The following GRHL1 variants were observed in gnomAD, a reference collection of about 807,000 sequenced individuals.
The protein encoded by GRHL1 is grainyhead like transcription factor 1.
A neutral mutation model predicts 75.7 loss-of-function variants in GRHL1; 38 were observed. The ratio of observed to expected loss-of-function variants is 0.50; its 90% CI spans 0.39 to 0.66. The LOEUF is 0.66. Ranked by LOEUF, GRHL1 falls within the 30% of genes least tolerant of loss-of-function variation. The pLI is 0.00. For synonymous variants in GRHL1, 266 were observed against 279.4 expected (o/e 0.95, Z 0.48); for missense variants, 589 against 767.5 (o/e 0.77, Z 2.75).
intron 2 of GRHL1, among the ~76,000 whole-genome samples, chr2:9,958,174 C>CTTTTTTTT (rs61051898): frequency 8.4e-5 from 11 of 130,750 alleles, no homozygotes; most frequent in Non-Finnish European, 1.3e-4. Context: ...TTCTTTTTTT[C>CTTTTTTTT]TTTTTTTTTT....
chr2:9,968,184 G>A lies in GRHL1; in HGVS notation c.1110+2803G>A, dbSNP rs1330906727. The stretch of plus-strand genomic sequence containing the variant: ...ATGCTTTGGCTTACATTCCACTTTG[G>A]GAAAAACACTGACGAAGCTAGGACC... On this transcript the variant is annotated intron_variant, in intron 8 of 15. Coordinates refer to ENST00000324907, the MANE Select transcript of GRHL1 (RefSeq NM_198182.3). This position sits in a 1 kb window ranked among gnomAD's most constrained non-coding sequence, Gnocchi z 4.7. Among the ~76,000 whole-genome samples the A allele has an allele frequency of 6.6e-6, 1 of 152,170 alleles. No homozygotes were observed. Among genetic ancestry groups the A allele is most frequent in the East Asian group, 1.9e-4 (1 of 5,198 alleles).
At chr2:9,997,712 AC>A (rs1668929610) in intron 14 of GRHL1, among the ~76,000 whole-genome samples, 1 of 151,286 alleles carries the variant, frequency 6.6e-6, no homozygotes, top group Admixed American at 6.6e-5. Flanking sequence ...AATCCCAGCT[AC>A]TCGGGAGGCT....
rs371709046 is a variant in GRHL1 at position 9,987,529 on chromosome 2, C to T, written c.1269+1247C>T. Among the ~76,000 whole-genome samples, 9 of 152,286 alleles carry T rather than the reference C, an allele frequency of 5.9e-5. No individual in the cohort carries two copies. The East Asian group carries it at 1.4e-3, about 23-fold the overall frequency. On this transcript the variant is annotated intron_variant, in intron 9 of 15. Coordinates refer to ENST00000324907, the MANE Select transcript of GRHL1 (RefSeq NM_198182.3). This position sits in a 1 kb window ranked among gnomAD's most constrained non-coding sequence, Gnocchi z 4.2. Reference sequence around the variant, plus strand: ...AGTGCTGTGCCTTCACAGCCCTCTTCCCCAAAGGCCCTTCAATAAGCATGG... The same window carrying T: ...AGTGCTGTGCCTTCACAGCCCTCTTTCCCAAAGGCCCTTCAATAAGCATGG...
intron 12 of GRHL1, among the ~76,000 whole-genome samples, chr2:9,994,761 C>G (rs1175254722): frequency 2.0e-5 from 3 of 152,166 alleles, no homozygotes; most frequent in Non-Finnish European, 4.4e-5. Flanking sequence ...TCTACCTCTT[C>G]TCTTGCTTGC....
At chr2:9,988,404 T>C (rs1553304944) in intron 9 of GRHL1, among the ~76,000 whole-genome samples, 1 of 152,222 alleles carries the variant, frequency 6.6e-6, no homozygotes, top group Non-Finnish European at 1.5e-5. Flanking sequence ...GAACAGGTAC[T>C]GTTTCTGGCT....
chr2:9,955,160 G>A, intron 2 of GRHL1, 59 bp downstream of exon 2: 2 of 1,122,166 alleles, frequency 1.8e-6, no homozygotes, highest in Non-Finnish European at 2.6e-6. Flanking sequence ...TGATTCAGCA[G>A]CATAGAAACA....
At chr2:9,982,578 A>G (rs1363965254) in intron 8 of GRHL1, among the ~76,000 whole-genome samples, 1 of 152,226 alleles carries the variant, frequency 6.6e-6, no homozygotes. Flanking sequence ...TGTGCATAGA[A>G]TTAGCTGGAG....
In GRHL1 at chr2:9,978,276, G is replaced by A. The variant is rs543545953; in HGVS notation, c.1111-7848G>A. ...GGTAAAAGGGAGCTGTACATAGAGT[G>A]CAGTGGACACAGCTGAGAGTGTGAG... On this transcript the variant is annotated intron_variant, in intron 8 of 15. Coordinates refer to ENST00000324907, the MANE Select transcript of GRHL1 (RefSeq NM_198182.3). 3.3e-5 allele frequency among the ~76,000 whole-genome samples: 5 copies of A among 152,334 alleles called. No homozygotes were observed. The East Asian group carries it at 9.6e-4, about 29-fold the overall frequency.
intron 2 of GRHL1, among the ~76,000 whole-genome samples, chr2:9,956,309 A>G (rs1025008011): frequency 1.3e-5 from 2 of 152,172 alleles, no homozygotes; most frequent in African/African-American, 4.8e-5. Context: ...AATTAGGGTG[A>G]TTAGCCTGAG....
At chr2:9,969,873 C>T (rs1384523221) in intron 8 of GRHL1, among the ~76,000 whole-genome samples, 1 of 138,328 alleles carries the variant, frequency 7.2e-6, no homozygotes, top group African/African-American at 2.8e-5. Flanking sequence ...GATGGAGTCT[C>T]ACTCTTTCGC....
At position 9,987,584 on chromosome 2, in the gene GRHL1, G is replaced by A. The variant is rs1668478822; in HGVS notation, c.1269+1302G>A. Among the ~76,000 whole-genome samples, 2 of 152,166 alleles carry A rather than the reference G, an allele frequency of 1.3e-5. No homozygotes were observed. The highest frequency in any genetic ancestry group is 2.9e-5 in the Non-Finnish European group (2 of 68,026). On this transcript the variant is annotated intron_variant, in intron 9 of 15. Transcript: ENST00000324907. The surrounding 1 kb of genome is among the most constrained non-coding windows in gnomAD (Gnocchi z 4.2). The stretch of plus-strand genomic sequence containing the variant: ...GGAGAGGTGCGGATTCTTCTCTACA[G>A]CCACAGGGAGGCAAGAAGAAAAAGT...
At chr2:9,986,789 C>T (rs1403006299) in intron 9 of GRHL1, among the ~76,000 whole-genome samples, 1 of 152,166 alleles carries the variant, frequency 6.6e-6, no homozygotes, top group Non-Finnish European at 1.5e-5. Context: ...TCACTGTAGC[C>T]TCAACCTCCT....
rs1668598031 is a variant in GRHL1 at position 9,990,621 on chromosome 2, TG to T, written c.1270-73del. The T allele has an allele frequency of 1.2e-6, 1 of 827,882 alleles. No individual in the cohort carries two copies. Among genetic ancestry groups the T allele is most frequent in the Non-Finnish European group, 1.9e-6 (1 of 534,692 alleles). The allele number at this position is 827,882 out of a possible 1,614,324, so 51.3% of individuals were successfully genotyped here. ...AAGGGAGAAAGGCTTCTTCTTCCAT[TG>T]GTCAGGATAAGAGTTAAATATTTTA... is the stretch of plus-strand genomic sequence containing the variant. On this transcript the variant is annotated intron_variant, in intron 9 of 15. Coordinates refer to ENST00000324907, the MANE Select transcript of GRHL1 (RefSeq NM_198182.3). The surrounding 1 kb of genome is among the most constrained non-coding windows in gnomAD (Gnocchi z 4.2).
At chr2:9,985,189 T>C (rs1668363436) in intron 8 of GRHL1, among the ~76,000 whole-genome samples, 1 of 152,208 alleles carries the variant, frequency 6.6e-6, no homozygotes, top group Non-Finnish European at 1.5e-5. Flanking sequence ...CTGAAGTAAT[T>C]TCATGATTGA....
At position 9,968,682 on chromosome 2, in the gene GRHL1, G is replaced by C. The variant is rs374102336; in HGVS notation, c.1110+3301G>C. On this transcript the variant is annotated intron_variant, in intron 8 of 15. Transcript: ENST00000324907. This position sits in a 1 kb window ranked among gnomAD's most constrained non-coding sequence, Gnocchi z 4.7. ...ATGAGGGCACTGGTCTCCTGCAGAA[G>C]AGAGGCCTAGGAGCTGAGGGGAGGG... Among the ~76,000 whole-genome samples the C allele has an allele frequency of 5.4e-4, 82 of 152,344 alleles. 1 individual carries two copies. Among genetic ancestry groups the C allele is most frequent in the African/African-American group, 2.0e-3 (82 of 41,582 alleles).
intron 9 of GRHL1, among the ~76,000 whole-genome samples, chr2:9,986,533 C>T (rs544192175): frequency 1.4e-4 from 21 of 152,040 alleles, no homozygotes; most frequent in African/African-American, 4.6e-4. Flanking sequence ...TCTTGTGCCC[C>T]AGCCTTCCCA....
chr2:9,995,791 T>C (rs1031383611), intron 12 of GRHL1, 88 bp from the exon 13 acceptor site: 1 of 744,124 alleles, frequency 1.3e-6, no homozygotes, highest in African/African-American at 1.8e-5. Context: ...TCATTTTAAA[T>C]CTAGTTCCAT....
rs111477080 is a variant in GRHL1 at position 9,963,748 on chromosome 2, G to C, written c.747-138G>C. The C allele has an allele frequency of 1.6e-3, 922 of 574,918 alleles. 11 individuals are homozygous for C. The African/African-American group carries it at 0.016, about 10-fold the overall frequency. 35.6% of individuals were successfully genotyped at this position (574,918 alleles called of 1,614,324 possible). ...TTGTACTTCCACCTCTGAGAGACTT[G>C]AGAATTTTTAGCTGCTGAGTACTTT... On this transcript the variant is annotated intron_variant, in intron 5 of 15. Transcript: ENST00000324907.
rs754213121 is a variant in GRHL1 at position 9,968,106 on chromosome 2, C to G, written c.1110+2725C>G. 7.2e-5 allele frequency among the ~76,000 whole-genome samples: 11 copies of G among 152,136 alleles called. No individual in the cohort carries two copies. Among genetic ancestry groups the G allele is most frequent in the Non-Finnish European group, 1.5e-4 (10 of 68,032 alleles). On this transcript the variant is annotated intron_variant, in intron 8 of 15. Transcript: ENST00000324907. The surrounding 1 kb of genome is among the most constrained non-coding windows in gnomAD (Gnocchi z 4.7). ...ATCTGAATCTTACCTGTAGCTTCTGCTTCTCCGTTTGGAAATGATGATAGT... is the reference window on the plus strand; with the variant it reads ...ATCTGAATCTTACCTGTAGCTTCTGGTTCTCCGTTTGGAAATGATGATAGT...
Sources: gnomAD v4.1 joint callset for allele counts (sites outside exome capture counted in the v4.1 genomes callset) on GRCh38, gnomAD v4.1.1 for gene constraint, Gnocchi (gnomAD v3.1) non-coding constraint, MANE v1.5 for transcripts, NCBI Gene and HGNC (gene_info 2026-07-23, HGNC 2026-07-21) for gene names.